Variants in NRG1 observed in about 807,000 individuals in gnomAD.
NRG1 encodes the protein neuregulin 1, also known as pro-neuregulin-1, membrane-bound isoform.
A neutral mutation model predicts 63.8 loss-of-function variants in NRG1; 18 were observed. The ratio of observed to expected loss-of-function variants is 0.28; its 90% CI spans 0.19 to 0.42. The LOEUF is 0.42. Among genes scored for constraint, NRG1 ranks in the 10% least tolerant of loss-of-function variants. The probability of loss-of-function intolerance (pLI) is 1.00; values close to 1 mark genes in which losing one functional copy is unlikely to be tolerated. For missense variants in NRG1, 762 were observed against 814.7 expected (o/e 0.94, Z 0.79); for synonymous variants, 302 against 301.3 (o/e 1.00, Z -0.02).
chr8:32,445,488 C>G (rs1820123810), intron 1 of NRG1, among the ~76,000 whole-genome samples: 2 of 152,042 alleles, frequency 1.3e-5, no homozygotes, highest in South Asian at 4.2e-4. Context: ...GATTATTGAA[C>G]CACGTGATTT....
chr8:32,495,075 C>T (rs766198030), intron 1 of NRG1, among the ~76,000 whole-genome samples: 1 of 152,186 alleles, frequency 6.6e-6, no homozygotes, highest in African/African-American at 2.4e-5. Flanking sequence ...TTTGCTTCTA[C>T]ATTGAAATAG....
At chr8:32,623,052 C>A (rs899002597) in intron 5 of NRG1, among the ~76,000 whole-genome samples, 1 of 152,136 alleles carries the variant, frequency 6.6e-6, no homozygotes, top group Admixed American at 6.5e-5. Flanking sequence ...AGGAACTAAT[C>A]CAGGAAGTCT....
intron 1 of NRG1, among the ~76,000 whole-genome samples, chr8:32,295,945 A>AG (rs954101908): frequency 2.7e-5 from 4 of 150,754 alleles, no homozygotes; most frequent in African/African-American, 9.7e-5. Flanking sequence ...TCAAGGAAAA[A>AG]AAAAAAAAAA....
intron 1 of NRG1, among the ~76,000 whole-genome samples, chr8:31,986,411 G>A (rs1304112456): frequency 6.6e-6 from 1 of 152,008 alleles, no homozygotes; most frequent in South Asian, 2.1e-4. Flanking sequence ...TCTGAAATCT[G>A]GGTGTTATTA....
intron 1 of NRG1, among the ~76,000 whole-genome samples, chr8:31,864,216 A>C (rs1170121271): frequency 5.9e-5 from 9 of 152,164 alleles, no homozygotes; most frequent in African/African-American, 2.2e-4. Context: ...TTGAGCATCC[A>C]TGTGTGCTTG....
intron 1 of NRG1, among the ~76,000 whole-genome samples, chr8:32,071,069 CCTT>C (rs1290097641): frequency 6.6e-6 from 1 of 152,162 alleles, no homozygotes; most frequent in Admixed American, 6.5e-5. Context: ...TCCTTCTTAT[CCTT>C]CTGCCCTCAG....
At chr8:32,660,381 TGG>T (rs1215590658) in intron 5 of NRG1, among the ~76,000 whole-genome samples, 2 of 152,176 alleles carry the variant, frequency 1.3e-5, no homozygotes, top group African/African-American at 4.8e-5. Flanking sequence ...AACTTGCTTA[TGG>T]GAGTGGAAGA....
intron 1 of NRG1, among the ~76,000 whole-genome samples, chr8:31,677,739 GA>G (rs1186015579): frequency 1.3e-5 from 2 of 152,108 alleles, no homozygotes; most frequent in Non-Finnish European, 2.9e-5. Flanking sequence ...CTACAAATTC[GA>G]AGTTGTCCTC....
At chr8:32,339,093 C>T (rs1306001169) in intron 1 of NRG1, among the ~76,000 whole-genome samples, 8 of 151,964 alleles carry the variant, frequency 5.3e-5, no homozygotes, top group Non-Finnish European at 1.2e-4. Context: ...TTTAGAGTCA[C>T]GGTGGTTCAC....
At chr8:32,224,555 G>A (rs751826323) in intron 1 of NRG1, among the ~76,000 whole-genome samples, 4 of 152,172 alleles carry the variant, frequency 2.6e-5, no homozygotes, top group African/African-American at 9.7e-5. Flanking sequence ...ATTAGGCTTA[G>A]GTCATGCTTT....
At chr8:31,914,282 T>C (rs34986617) in intron 1 of NRG1, among the ~76,000 whole-genome samples, 8,385 of 137,116 alleles carry the variant, frequency 0.061, 299 homozygotes, top group Admixed American at 0.13. Context: ...ATTGTTAGCA[T>C]TGTTATGTCA....
intron 1 of NRG1, among the ~76,000 whole-genome samples, chr8:32,501,774 A>G (rs1418615728): frequency 6.6e-6 from 1 of 152,230 alleles, no homozygotes; most frequent in Non-Finnish European, 1.5e-5. Flanking sequence ...TAAAGCACAG[A>G]ATATTTATTT....
At chr8:32,508,709 T>C (rs1828832645) in intron 1 of NRG1, among the ~76,000 whole-genome samples, 1 of 152,076 alleles carries the variant, frequency 6.6e-6, no homozygotes, top group Admixed American at 6.6e-5. Context: ...TGTATATACT[T>C]TGTGGTTTTG....
At chr8:32,413,691 T>C (rs1187561688) in intron 1 of NRG1, among the ~76,000 whole-genome samples, 1 of 152,142 alleles carries the variant, frequency 6.6e-6, no homozygotes, top group Non-Finnish European at 1.5e-5. Context: ...CAATGATGCT[T>C]TAATTTGCTG....
At chr8:32,076,292 T>C (rs971635342) in intron 1 of NRG1, among the ~76,000 whole-genome samples, 1 of 152,242 alleles carries the variant, frequency 6.6e-6, no homozygotes, top group East Asian at 1.9e-4. Flanking sequence ...GCCTTGGTTT[T>C]ATTGACCATT....
intron 1 of NRG1, among the ~76,000 whole-genome samples, chr8:31,996,524 G>A (rs1811994567): frequency 6.6e-6 from 1 of 151,852 alleles, no homozygotes; most frequent in Admixed American, 6.6e-5. Flanking sequence ...CTGAGCTCAG[G>A]AGTCTAAGAC....
chr8:32,088,228 G>A (rs1268214884), intron 1 of NRG1, among the ~76,000 whole-genome samples: 10 of 152,178 alleles, frequency 6.6e-5, no homozygotes. Flanking sequence ...TCCAAAGCCA[G>A]GAACTATATC....
intron 1 of NRG1, among the ~76,000 whole-genome samples, chr8:31,705,893 T>C (rs1811102524): frequency 6.6e-6 from 1 of 152,238 alleles, no homozygotes; most frequent in Admixed American, 6.5e-5. Context: ...GGTACTTTTA[T>C]GAGCTTCTGG....
chr8:32,110,546 C>A (rs1376819237), intron 1 of NRG1, among the ~76,000 whole-genome samples: 1 of 152,110 alleles, frequency 6.6e-6, no homozygotes, highest in African/African-American at 2.4e-5. Context: ...AGGTGAGAAT[C>A]TCTCCTTTCT....
Sources: allele counts gnomAD v4.1 joint callset (sites outside exome capture counted in the v4.1 genomes callset), GRCh38; gene constraint gnomAD v4.1.1; transcripts MANE v1.5; gene names NCBI Gene and HGNC (gene_info 2026-07-23, HGNC 2026-07-21).